Variants in DNASE2B observed in about 807,000 individuals in gnomAD.
DNASE2B encodes the protein deoxyribonuclease 2 beta.
DNASE2B carries 43 observed loss-of-function variants against 46.0 expected under a neutral mutation model. That is an observed-to-expected ratio of 0.94 (90% CI 0.73 to 1.21). The LOEUF (loss-of-function observed/expected upper bound fraction) is 1.21. Among genes scored for constraint, DNASE2B ranks in the 50% most tolerant of loss-of-function variants. The pLI is 0.00. For missense variants in DNASE2B, 395 were observed against 414.4 expected (o/e 0.95, Z 0.41); for synonymous variants, 156 against 152.5 (o/e 1.02, Z -0.17).
chr1:84,401,146 T>C (rs1680396226), intron 1 of DNASE2B, among the ~76,000 whole-genome samples: 2 of 152,330 alleles, frequency 1.3e-5, no homozygotes, highest in South Asian at 2.1e-4. Context: ...CCTCAGAGGA[T>C]TTTTGATAAT....
chr1:84,398,722 C>A (rs1417429085), intron 1 of DNASE2B, 33 bp downstream of exon 1: 2 of 1,611,318 alleles, frequency 1.2e-6, no homozygotes, highest in Non-Finnish European at 1.7e-6. Context: ...CTGCTGCATG[C>A]AAACAGCCTC....
At chr1:84,403,640 T>C (rs1008795128) in intron 2 of DNASE2B, among the ~76,000 whole-genome samples, 1 of 151,970 alleles carries the variant, frequency 6.6e-6, no homozygotes, top group Non-Finnish European at 1.5e-5. Context: ...AACTTTCACA[T>C]GAAAATACAT....
intron 2 of DNASE2B, 98 bp downstream of exon 2, chr1:84,402,176 C>T (rs1680433079): frequency 1.6e-6 from 2 of 1,228,674 alleles, no homozygotes; most frequent in Non-Finnish European, 2.2e-6. Flanking sequence ...ACCCAACCCC[C>T]AATCCTAGCA....
intron 1 of DNASE2B, among the ~76,000 whole-genome samples, chr1:84,399,351 T>G (rs546102796): frequency 7.2e-5 from 11 of 152,364 alleles, no homozygotes; most frequent in South Asian, 4.1e-4. Context: ...TTGTGTAAAC[T>G]TCAGGCTACA....
At chr1:84,406,421 C>T (rs1009644448) in intron 2 of DNASE2B, among the ~76,000 whole-genome samples, 3 of 152,252 alleles carry the variant, frequency 2.0e-5, no homozygotes, top group African/African-American at 7.2e-5. Flanking sequence ...AAGGTAGCCC[C>T]ACACCCTAGC....
intron 2 of DNASE2B, among the ~76,000 whole-genome samples, chr1:84,405,244 A>G (rs1348591269): frequency 2.6e-5 from 4 of 151,990 alleles, no homozygotes; most frequent in Non-Finnish European, 4.4e-5. Context: ...TTTTTCTCCA[A>G]TCATATTAGA....
At chr1:84,404,511 A>T (rs1680469823) in intron 2 of DNASE2B, among the ~76,000 whole-genome samples, 1 of 152,142 alleles carries the variant, frequency 6.6e-6, no homozygotes, top group Non-Finnish European at 1.5e-5. Flanking sequence ...AGCACTGACA[A>T]TCCTTTCCAG....
intron 2 of DNASE2B, among the ~76,000 whole-genome samples, chr1:84,405,565 T>C (rs919124708): frequency 6.6e-6 from 1 of 152,198 alleles, no homozygotes; most frequent in Non-Finnish European, 1.5e-5. Context: ...GCATCAGCAG[T>C]GGCACTCAGT....
intron 5 of DNASE2B, among the ~76,000 whole-genome samples, chr1:84,414,206 G>A (rs974993972): frequency 6.6e-6 from 1 of 152,086 alleles, no homozygotes; most frequent in Admixed American, 6.6e-5. Flanking sequence ...CCTAGAAACT[G>A]GCCCTAATTC....
chr1:84,411,019 G>GA lies in DNASE2B; in HGVS notation c.547+28dup, dbSNP rs747551768. 59 of 1,527,198 alleles carry GA rather than the reference G, an allele frequency of 3.9e-5. No homozygotes were observed. The highest frequency in any genetic ancestry group is 1.7e-4 in the Middle Eastern group (1 of 5,912). 94.6% of individuals were successfully genotyped at this position (1,527,198 alleles called of 1,614,324 possible). On this transcript the variant is annotated intron_variant, in intron 4 of 5. Transcript: ENST00000370665. ...CAATAGGTAAAACTAAAGTATGTGA[G>GA]AAAAAAAACGATAACTATGTTGAAG...
chr1:84,401,688 G>A (rs1680422061), intron 1 of DNASE2B, among the ~76,000 whole-genome samples: 1 of 152,156 alleles, frequency 6.6e-6, no homozygotes, highest in Non-Finnish European at 1.5e-5. Flanking sequence ...TATAACCAAG[G>A]TCTTAGAACA....
intron 4 of DNASE2B, among the ~76,000 whole-genome samples, chr1:84,411,724 A>G (rs1047711037): frequency 2.0e-5 from 3 of 152,168 alleles, no homozygotes; most frequent in Admixed American, 6.5e-5. Context: ...CAACTTGCCT[A>G]TAGAAACAGG....
chr1:84,409,913 A>T (rs1680559537), intron 3 of DNASE2B, among the ~76,000 whole-genome samples: 1 of 152,176 alleles, frequency 6.6e-6, no homozygotes, highest in South Asian at 2.1e-4. Context: ...TCTGTTACAC[A>T]CAGAACTTTC....
rs539105982 is a variant in DNASE2B at position 84,411,987 on chromosome 1, G to A, written c.548-362G>A. On this transcript the variant is annotated intron_variant, in intron 4 of 5. Transcript: ENST00000370665. ...CTCCAAGGCCAAATTACCTGGGTTCGAATATCAATTTCATCAATTACAAAC... is the reference window on the plus strand; with the variant it reads ...CTCCAAGGCCAAATTACCTGGGTTCAAATATCAATTTCATCAATTACAAAC... Among the ~76,000 whole-genome samples, 92 of 152,226 alleles carry A rather than the reference G, an allele frequency of 6.0e-4. 1 individual carries two copies. The highest frequency in any genetic ancestry group is 2.2e-3 in the African/African-American group (91 of 41,534).
At chr1:84,412,859 G>C (rs1458714001) in intron 5 of DNASE2B, among the ~76,000 whole-genome samples, 1 of 151,602 alleles carries the variant, frequency 6.6e-6, no homozygotes, top group East Asian at 1.9e-4. Flanking sequence ...TTACTCTCAA[G>C]CCCTTTACAC....
intron 4 of DNASE2B, among the ~76,000 whole-genome samples, chr1:84,411,425 GGTGTGTGTGTGTGTGTGT>G (rs71097845): frequency 0.026 from 3,639 of 139,322 alleles, 89 homozygotes; most frequent in African/African-American, 0.053. Flanking sequence ...AGAAACCTAG[GGTGTGTGTGTGTGTGTGT>G]GTGTGTGTGT....
At chr1:84,411,477 T>TCA (rs1680596905) in intron 4 of DNASE2B, among the ~76,000 whole-genome samples, 3 of 54,888 alleles carry the variant, frequency 5.5e-5, no homozygotes, top group African/African-American at 2.1e-4. Flanking sequence ...TGTGTGTGTG[T>TCA]GTGTGTCAGA....
At chr1:84,399,227 A>T (rs1363963783) in intron 1 of DNASE2B, among the ~76,000 whole-genome samples, 3 of 152,256 alleles carry the variant, frequency 2.0e-5, no homozygotes, top group Non-Finnish European at 4.4e-5. Context: ...TACAGTGTCA[A>T]AGACATTAAA....
At chr1:84,408,929 T>A (rs1160149531) in intron 3 of DNASE2B, among the ~76,000 whole-genome samples, 1 of 151,708 alleles carries the variant, frequency 6.6e-6, no homozygotes, top group Non-Finnish European at 1.5e-5. Flanking sequence ...TTATAGAGAG[T>A]AAAACGAGCT....
Sources: gnomAD v4.1 joint callset for allele counts (sites outside exome capture counted in the v4.1 genomes callset) on GRCh38, gnomAD v4.1.1 for gene constraint, MANE v1.5 for transcripts, NCBI Gene and HGNC (gene_info 2026-07-23, HGNC 2026-07-21) for gene names.